Variants in ZC3H4 observed in about 807,000 individuals in gnomAD.
ZC3H4 encodes zinc finger CCCH-type containing 4.
In ZC3H4, 13 loss-of-function variants were observed where a neutral mutation model predicts 108.3. The ratio of observed to expected loss-of-function variants is 0.12; its 90% CI spans 0.08 to 0.19. ZC3H4 has a LOEUF of 0.19. ZC3H4 is among the 10% of genes least tolerant of loss of function. The probability of loss-of-function intolerance (pLI) is 1.00; values close to 1 mark genes in which losing one functional copy is unlikely to be tolerated. For missense variants in ZC3H4, 1,734 were observed against 1,838.8 expected, an observed-to-expected ratio of 0.94 and a Z score of 1.04; for synonymous variants, 917 against 749.6, an observed-to-expected ratio of 1.22 and a Z score of -3.65.
chr19:47,071,075 T>C (rs1046985612), intron 13 of ZC3H4, among the ~76,000 whole-genome samples: 1 of 152,200 alleles, frequency 6.6e-6, no homozygotes, highest in Non-Finnish European at 1.5e-5. Context: ...CTTTTGTGAC[T>C]ATCCCCACTG....
At chr19:47,071,536 T>C (rs1340220651) in intron 13 of ZC3H4, among the ~76,000 whole-genome samples, 1 of 152,174 alleles carries the variant, frequency 6.6e-6, no homozygotes, top group South Asian at 2.1e-4. Context: ...ATGCTTCCGA[T>C]TCCAGGCACA....
chr19:47,069,318 C>A lies in ZC3H4; in HGVS notation c.2172G>T (p.Leu724=), dbSNP rs747365844. ...DAEDYGHYEE[L]PGEPGEHLFP... ...AGAGGTGCTCCCCAGGCTCCCCTGG[C>A]AGCTCTTCGTAGTGCCCGTAGTCCT... Residue 724 remains leucine (L), a synonymous_variant, in exon 14 of 15, where the codon CTG becomes CTT. Coordinates refer to ENST00000253048, the MANE Select transcript of ZC3H4 (RefSeq NM_015168.2). 3.1e-6 allele frequency: 5 copies of A among 1,613,418 alleles called. No individual in the cohort carries two copies. Among genetic ancestry groups the A allele is most frequent in the Non-Finnish European group, 4.2e-6 (5 of 1,179,708 alleles).
intron 2 of ZC3H4, among the ~76,000 whole-genome samples, chr19:47,107,060 TTA>T (rs1430813525): frequency 1.3e-5 from 2 of 152,198 alleles, no homozygotes; most frequent in Non-Finnish European, 2.9e-5. Context: ...ACAGTCAGCA[TTA>T]AGCTCCAGAC....
intron 2 of ZC3H4, among the ~76,000 whole-genome samples, chr19:47,095,046 A>G (rs2057799405): frequency 1.3e-5 from 2 of 152,198 alleles, no homozygotes; most frequent in African/African-American, 4.8e-5. Flanking sequence ...GGGCACTTCT[A>G]AACCTTGCTT....
At chr19:47,111,777 G>A (rs1383101133) in intron 2 of ZC3H4, among the ~76,000 whole-genome samples, 1 of 149,592 alleles carries the variant, frequency 6.7e-6, no homozygotes, top group Non-Finnish European at 1.5e-5. Flanking sequence ...CCACCCAAAT[G>A]ACCCCCAATT....
intron 11 of ZC3H4, among the ~76,000 whole-genome samples, chr19:47,078,883 C>G (rs1344893914): frequency 6.6e-6 from 1 of 151,550 alleles, no homozygotes; most frequent in African/African-American, 2.4e-5. Context: ...AAAAATTAGC[C>G]GGGTGTGGTG....
intron 2 of ZC3H4, 125 bp downstream of exon 2, chr19:47,112,289 ACCGACCCCGC>A (rs2058050317): frequency 8.9e-7 from 1 of 1,119,330 alleles, no homozygotes. Context: ...AGAGACACCC[ACCGACCCCGC>A]CCTTCCTCCT....
chr19:47,088,042 A>G (rs1399272081), intron 5 of ZC3H4, among the ~76,000 whole-genome samples: 8 of 151,550 alleles, frequency 5.3e-5, no homozygotes. Context: ...GCGTGGCGGC[A>G]AGCACCTGTA....
Position 47,066,923 on chromosome 19 carries a change from TG to T in ZC3H4, c.3344del (p.Pro1115HisfsTer29). On this transcript the variant is annotated frameshift_variant, in exon 15 of 15. Coordinates refer to ENST00000253048, the MANE Select transcript of ZC3H4 (RefSeq NM_015168.2). LOFTEE classifies it high-confidence loss of function. ...GGGGGTCGTAGGGAGCGGTGGCTGGTGGGGAGGCATCCCCACTCGGGCTGGC... is the reference window on the plus strand; with the variant it reads ...GGGGGTCGTAGGGAGCGGTGGCTGGTGGGAGGCATCCCCACTCGGGCTGGC... ...PTASPSGDAS[P>X]PATAPYDPRV... is the part of the protein sequence containing the mutation. 1 of 1,595,714 alleles carries T rather than the reference TG, an allele frequency of 6.3e-7. No individual in the cohort carries two copies.
chr19:47,084,445 C>G lies in ZC3H4; in HGVS notation c.1118G>C (p.Gly373Ala). The change falls in exon 9 of 15, where the codon GGT becomes GCT. Residue 373 changes from glycine to alanine, a missense_variant. By Grantham distance (60) the Gly-to-Ala change is moderately conservative. This residue lies in a region of ZC3H4 where 403 missense variants were observed against 457.0 expected (regional missense o/e 0.88). Coordinates refer to ENST00000253048, the MANE Select transcript of ZC3H4 (RefSeq NM_015168.2). ...ATGGTCACGACTCCGGTAGCTTCCACCACCACCGTCCTGCAATGGACAGGG... is the reference window on the plus strand; with the variant it reads ...ATGGTCACGACTCCGGTAGCTTCCAGCACCACCGTCCTGCAATGGACAGGG... ...FYDEDMGDGGGGSYRSRDHDK... is the reference protein window; with the variant it reads ...FYDEDMGDGGAGSYRSRDHDK... 3.7e-6 allele frequency: 6 copies of G among 1,614,206 alleles called. No individual in the cohort carries two copies. The highest frequency in any genetic ancestry group is 5.1e-6 in the Non-Finnish European group (6 of 1,180,032).
At chr19:47,075,219 G>A (rs2057398697) in intron 11 of ZC3H4, among the ~76,000 whole-genome samples, 1 of 152,242 alleles carries the variant, frequency 6.6e-6, no homozygotes, top group Middle Eastern at 3.4e-3. Flanking sequence ...GATATTCCAG[G>A]GGTGGTCAGC....
intron 11 of ZC3H4, among the ~76,000 whole-genome samples, chr19:47,075,778 C>G (rs1010157401): frequency 3.9e-5 from 6 of 152,202 alleles, no homozygotes; most frequent in African/African-American, 1.4e-4. Context: ...TCCCTGGAAT[C>G]CAGAGGCTGG....
At chr19:47,095,271 C>T (rs2057803322) in intron 2 of ZC3H4, among the ~76,000 whole-genome samples, 1 of 152,212 alleles carries the variant, frequency 6.6e-6, no homozygotes, top group Non-Finnish European at 1.5e-5. Flanking sequence ...TGGGCTGTGG[C>T]CTGAGAACCC....
intron 1 of ZC3H4, 134 bp from the exon 2 acceptor site, chr19:47,112,723 G>A (rs1227498150): frequency 5.5e-5 from 26 of 468,946 alleles, no homozygotes; most frequent in Non-Finnish European, 7.9e-5. Context: ...CCTCTGCGCT[G>A]ACCTCCGCGT....
intron 4 of ZC3H4, among the ~76,000 whole-genome samples, chr19:47,090,450 T>C (rs1420444235): frequency 6.6e-6 from 1 of 152,062 alleles, no homozygotes; most frequent in Non-Finnish European, 1.5e-5. Context: ...CGATCCCTGA[T>C]GAACAAAGGG....
chr19:47,069,306 A>G lies in ZC3H4; in HGVS notation c.2184T>C (p.Pro728=), dbSNP rs2057283362. 4 of 1,613,664 alleles carry G rather than the reference A, an allele frequency of 2.5e-6. No individual in the cohort carries two copies. The East Asian group carries it at 6.7e-5, about 27-fold the overall frequency. The change falls in exon 14 of 15, where the codon CCT becomes CCC. Residue 728 remains proline, a synonymous_variant. Coordinates refer to ENST00000253048, the MANE Select transcript of ZC3H4 (RefSeq NM_015168.2). The part of the protein sequence containing the change: ...YGHYEELPGE[P]GEHLFPEHPL... The stretch of plus-strand genomic sequence containing the variant: ...GGTGCTCAGGGAAGAGGTGCTCCCC[A>G]GGCTCCCCTGGCAGCTCTTCGTAGT...
At position 47,104,275 on chromosome 19, in the gene ZC3H4, T is replaced by C. The variant is rs1321064494; in HGVS notation, c.161+8149A>G. Among the ~76,000 whole-genome samples the C allele has an allele frequency of 1.2e-4, 19 of 152,174 alleles. 1 individual carries two copies. Among genetic ancestry groups the C allele is most frequent in the Admixed American group, 1.2e-3 (19 of 15,276 alleles). The stretch of plus-strand genomic sequence containing the variant: ...CAGAGGTTGCAGTGAGCTGAGATCA[T>C]GCCATTGCACTCCAGCCTACGTGAC... On this transcript the variant is annotated intron_variant, in intron 2 of 14. Transcript: ENST00000253048.
At position 47,085,120 on chromosome 19, in the gene ZC3H4, C is replaced by A; in HGVS notation, c.1043G>T (p.Ser348Ile). The A allele has an allele frequency of 1.2e-5, 19 of 1,614,262 alleles. No individual in the cohort carries two copies. The highest frequency in any genetic ancestry group is 1.6e-5 in the Non-Finnish European group (19 of 1,180,034). ...GMGRGRGRGG[S>I]RGGMNKGGMN... ...TCCGCCCTTGTTCATCCCTCCTCGGCTGCCACCTCGGCCTCGGCCCCGACC... is the reference window on the plus strand; with the variant it reads ...TCCGCCCTTGTTCATCCCTCCTCGGATGCCACCTCGGCCTCGGCCCCGACC... The change falls in exon 8 of 15, where the codon AGC (serine) becomes ATC (isoleucine). Residue 348 changes from serine (S) to isoleucine (I), a missense_variant. Physicochemically the swap from Ser to Ile is moderately radical, Grantham distance 142. Around this residue, in one of 9 missense-constraint regions of ZC3H4, gnomAD observed 403 missense variants for 457.0 expected, o/e 0.88. Transcript: ENST00000253048.
At chr19:47,085,923 G>T (rs1429359718) in intron 6 of ZC3H4, among the ~76,000 whole-genome samples, 1 of 152,122 alleles carries the variant, frequency 6.6e-6, no homozygotes, top group Admixed American at 6.5e-5. Flanking sequence ...GAGTGCAGTG[G>T]TGCGATCTCG....
Sources: allele counts gnomAD v4.1 joint callset (sites outside exome capture counted in the v4.1 genomes callset), GRCh38; gene constraint gnomAD v4.1.1; regional missense constraint gnomAD v4.1.1; transcripts MANE v1.5; gene names NCBI Gene and HGNC (gene_info 2026-07-23, HGNC 2026-07-21).